CNTN4: variants seen among roughly 807,000 people sequenced by gnomAD.
CNTN4 encodes the protein contactin 4, also known as contactin-4.
Under a neutral mutation model 122.5 loss-of-function variants are expected in CNTN4, and 77 were observed. That is an observed-to-expected ratio of 0.63 (90% CI 0.52 to 0.76). The LOEUF (loss-of-function observed/expected upper bound fraction) is 0.76. Among genes scored for constraint, CNTN4 ranks in the 30% least tolerant of loss-of-function variants. CNTN4 has a pLI of 0.00. For synonymous variants in CNTN4, 512 were observed against 447.0 expected (o/e 1.15, Z -1.83); for missense variants, 1,256 against 1,259.1 (o/e 1.00, Z 0.04).
intron 6 of CNTN4, among the ~76,000 whole-genome samples, chr3:2,795,312 T>G (rs976848490): frequency 3.9e-5 from 6 of 152,090 alleles, no homozygotes; most frequent in Non-Finnish European, 8.8e-5. Context: ...CCTGGTGGCA[T>G]TGGTTCAAAC....
rs889983530 is a variant in CNTN4 at position 3,036,474 on chromosome 3, G to C, written c.1943-705G>C. ...GGCACAATAAGAATTGTTTAAGAATGAATATAGGCCAGGCGCAGTGGCTCA... is the reference window on the plus strand; with the variant it reads ...GGCACAATAAGAATTGTTTAAGAATCAATATAGGCCAGGCGCAGTGGCTCA... On this transcript the variant is annotated intron_variant, in intron 17 of 24. Coordinates refer to ENST00000418658, the MANE Select transcript of CNTN4 (RefSeq NM_175607.3). Among the ~76,000 whole-genome samples, 3 of 152,180 alleles carry C rather than the reference G, an allele frequency of 2.0e-5. No individual in the cohort carries two copies. The East Asian group carries it at 5.8e-4, about 29-fold the overall frequency.
At chr3:2,927,064 T>C (rs928857778) in intron 13 of CNTN4, among the ~76,000 whole-genome samples, 9 of 152,216 alleles carry the variant, frequency 5.9e-5, no homozygotes, top group African/African-American at 2.2e-4. Context: ...AGTTGAAATA[T>C]AACTAGTATG....
chr3:2,154,791 G>A (rs908735796), intron 2 of CNTN4, among the ~76,000 whole-genome samples: 15 of 152,152 alleles, frequency 9.9e-5, no homozygotes, highest in African/African-American at 3.6e-4. Flanking sequence ...GGGAAGAGTG[G>A]AATTTAACAA....
chr3:2,762,281 G>C (rs149403452), intron 6 of CNTN4, among the ~76,000 whole-genome samples: 1 of 152,162 alleles, frequency 6.6e-6, no homozygotes, highest in African/African-American at 2.4e-5. Context: ...TGTGTCATGA[G>C]GGTTTGTTGT....
intron 6 of CNTN4, among the ~76,000 whole-genome samples, chr3:2,781,367 G>A (rs2091560496): frequency 6.6e-6 from 1 of 152,168 alleles, no homozygotes; most frequent in Non-Finnish European, 1.5e-5. Context: ...AAAAGAGCAA[G>A]CATAATACTA....
intron 7 of CNTN4, among the ~76,000 whole-genome samples, chr3:2,833,551 T>C (rs1333347394): frequency 6.6e-6 from 1 of 152,214 alleles, no homozygotes; most frequent in Non-Finnish European, 1.5e-5. Context: ...TTCATCATCC[T>C]TTTAATAGTA....
chr3:2,859,133 C>A (rs2093647407), intron 7 of CNTN4, among the ~76,000 whole-genome samples: 1 of 152,220 alleles, frequency 6.6e-6, no homozygotes. Context: ...TTTTGTGATT[C>A]CACATGTGAG....
chr3:2,320,491 T>A (rs116729329), intron 2 of CNTN4, among the ~76,000 whole-genome samples: 1 of 152,162 alleles, frequency 6.6e-6, no homozygotes, highest in Non-Finnish European at 1.5e-5. Flanking sequence ...ATAGAATCAA[T>A]CTATGCTATT....
intron 2 of CNTN4, among the ~76,000 whole-genome samples, chr3:2,275,702 A>G (rs2041478641): frequency 6.6e-6 from 1 of 151,990 alleles, no homozygotes. Flanking sequence ...CGGGCGGATC[A>G]TGAGGTCAGG....
At chr3:2,117,401 G>C (rs777210593) in intron 2 of CNTN4, among the ~76,000 whole-genome samples, 5 of 152,202 alleles carry the variant, frequency 3.3e-5, no homozygotes, top group Non-Finnish European at 7.3e-5. Flanking sequence ...GTGTTAAGCT[G>C]TCTGGAAGTG....
chr3:2,762,793 A>G (rs776085036), intron 6 of CNTN4, among the ~76,000 whole-genome samples: 2 of 152,068 alleles, frequency 1.3e-5, no homozygotes, highest in Admixed American at 6.6e-5. Flanking sequence ...ACTCCCAGCA[A>G]TAGTATATAA....
chr3:2,944,995 A>C (rs1005414407), intron 13 of CNTN4, among the ~76,000 whole-genome samples: 1 of 152,140 alleles, frequency 6.6e-6, no homozygotes, highest in African/African-American at 2.4e-5. Context: ...TGGATCAGCC[A>C]GTCATGGGCC....
intron 4 of CNTN4, among the ~76,000 whole-genome samples, chr3:2,581,463 G>T (rs2079933192): frequency 6.6e-6 from 1 of 152,134 alleles, no homozygotes; most frequent in South Asian, 2.1e-4. Flanking sequence ...CACTAACATG[G>T]TCAAGGTTAT....
chr3:2,845,426 A>G lies in CNTN4; in HGVS notation c.455-21326A>G, dbSNP rs200923297. ...AATAAATTTAATTGCCTAAAAATAA[A>G]TTACTTTATTAGTAAATAAAGATAA... On this transcript the variant is annotated intron_variant, in intron 7 of 24. Coordinates refer to ENST00000418658, the MANE Select transcript of CNTN4 (RefSeq NM_175607.3). 4.1e-3 allele frequency among the ~76,000 whole-genome samples: 621 copies of G among 152,086 alleles called. 6 individuals are homozygous for G. The highest frequency in any genetic ancestry group is 0.014 in the African/African-American group (588 of 41,534).
intron 7 of CNTN4, among the ~76,000 whole-genome samples, chr3:2,824,158 T>TAAAAAAAAA (rs56973508): frequency 7.0e-6 from 1 of 142,864 alleles, no homozygotes. Context: ...CCAAGGCTGT[T>TAAAAAAAAA]AAAAAAAAAA....
At chr3:2,741,440 G>A (rs2089451321) in intron 5 of CNTN4, among the ~76,000 whole-genome samples, 2 of 152,156 alleles carry the variant, frequency 1.3e-5, no homozygotes, top group Admixed American at 1.3e-4. Context: ...CTCTCTAATG[G>A]ACCATATAAT....
At chr3:2,689,829 C>G (rs1353834176) in intron 4 of CNTN4, among the ~76,000 whole-genome samples, 2 of 152,110 alleles carry the variant, frequency 1.3e-5, no homozygotes, top group East Asian at 3.9e-4. Context: ...GCAATCCTTG[C>G]CTATCTCCAG....
chr3:2,180,042 T>C (rs149065984), intron 2 of CNTN4, among the ~76,000 whole-genome samples: 24 of 151,592 alleles, frequency 1.6e-4, no homozygotes, highest in African/African-American at 5.8e-4. Context: ...TAGCCATAGG[T>C]AGCTTATGGC....
intron 3 of CNTN4, among the ~76,000 whole-genome samples, chr3:2,463,606 A>G (rs2075395470): frequency 6.6e-6 from 1 of 152,086 alleles, no homozygotes; most frequent in Non-Finnish European, 1.5e-5. Context: ...CTAAAATACA[A>G]AAATCAGCTG....
Sources: allele counts gnomAD v4.1 joint callset (sites outside exome capture counted in the v4.1 genomes callset), GRCh38; gene constraint gnomAD v4.1.1; transcripts MANE v1.5; gene names NCBI Gene and HGNC (gene_info 2026-07-23, HGNC 2026-07-21).